The following RAP1GAP2 variants were observed in gnomAD, a reference collection of about 807,000 sequenced individuals.
RAP1GAP2 encodes rap1 GTPase-activating protein 2.
A neutral mutation model predicts 95.0 loss-of-function variants in RAP1GAP2; 27 were observed. The ratio of observed to expected loss-of-function variants is 0.28; its 90% CI spans 0.21 to 0.39. RAP1GAP2 has a LOEUF of 0.39. Ranked by LOEUF, RAP1GAP2 falls within the 10% of genes least tolerant of loss-of-function variation. The pLI is 1.00. For missense variants in RAP1GAP2, 771 were observed against 970.0 expected (o/e 0.79, Z 2.72); for synonymous variants, 373 against 380.9 (o/e 0.98, Z 0.24).
At position 3,026,991 on chromosome 17, in the gene RAP1GAP2, C is replaced by T; in HGVS notation, c.2028C>T (p.Val676=). 6.4e-7 allele frequency: 1 copy of T among 1,557,734 alleles called. No homozygotes were observed. Among genetic ancestry groups the T allele is most frequent in the South Asian group, 1.2e-5 (1 of 84,344 alleles). The part of the protein sequence containing the change: ...TTSPFKQEVF[V]YSPSPSSESP... ...CACCCTTCAAGCAGGAGGTGTTTGT[C>T]TACAGCCCGTCCCCGAGCAGCGAGA... The change falls in exon 22 of 25, where the codon GTC becomes GTT. Residue 676 remains valine (V), a synonymous_variant. Transcript: ENST00000254695.
At chr17:2,919,813 C>T (rs963591918) in intron 3 of RAP1GAP2, among the ~76,000 whole-genome samples, 4 of 152,298 alleles carry the variant, frequency 2.6e-5, no homozygotes, top group Admixed American at 6.5e-5. Context: ...AGCAATTCTC[C>T]TGCCTCAGCC....
chr17:2,936,160 G>C (rs1476603277), intron 3 of RAP1GAP2, among the ~76,000 whole-genome samples: 1 of 151,152 alleles, frequency 6.6e-6, no homozygotes, highest in Non-Finnish European at 1.5e-5. Context: ...ACAACGTGCA[G>C]GTTTGTTACA....
At chr17:3,012,930 C>T (rs746331359) in intron 17 of RAP1GAP2, among the ~76,000 whole-genome samples, 13 of 152,200 alleles carry the variant, frequency 8.5e-5, no homozygotes, top group Non-Finnish European at 1.8e-4. Context: ...GCTGTACCGA[C>T]GTCAGATGGA....
chr17:2,874,738 C>A (rs2073014025), intron 2 of RAP1GAP2, among the ~76,000 whole-genome samples: 1 of 152,158 alleles, frequency 6.6e-6, no homozygotes, highest in South Asian at 2.1e-4. Context: ...ACCCTTGAAA[C>A]CCCACGTTTA....
At chr17:2,763,748 G>T (rs1258392997) in intron 1 of RAP1GAP2, among the ~76,000 whole-genome samples, 1 of 150,630 alleles carries the variant, frequency 6.6e-6, no homozygotes, top group Non-Finnish European at 1.5e-5. Context: ...ACAGCCTCTG[G>T]GAGATGGGGG....
intron 2 of RAP1GAP2, among the ~76,000 whole-genome samples, chr17:2,894,053 A>T (rs1044241902): frequency 1.3e-5 from 2 of 152,194 alleles, no homozygotes; most frequent in Admixed American, 6.5e-5. Flanking sequence ...AGGTGGGCAG[A>T]TCACCTGAGG....
chr17:2,926,686 A>T (rs2042965153), intron 3 of RAP1GAP2, among the ~76,000 whole-genome samples: 2 of 152,118 alleles, frequency 1.3e-5, no homozygotes, highest in South Asian at 4.1e-4. Flanking sequence ...GAAGTATGGA[A>T]TGGGTCTCAC....
intron 1 of RAP1GAP2, among the ~76,000 whole-genome samples, chr17:2,784,309 C>T (rs1352231259): frequency 6.9e-6 from 1 of 145,564 alleles, no homozygotes; most frequent in Middle Eastern, 4.2e-3. Context: ...CTCGCTCTGT[C>T]GCCCAGGCTG....
At chr17:3,025,128 G>A (rs1450608610) in intron 19 of RAP1GAP2, among the ~76,000 whole-genome samples, 1 of 152,144 alleles carries the variant, frequency 6.6e-6, no homozygotes, top group African/African-American at 2.4e-5. Context: ...TGTAATCTCA[G>A]CACTCTGGGA....
intron 2 of RAP1GAP2, chr17:2,854,080 C>G (rs1023857420): frequency 1.0e-6 from 1 of 985,282 alleles, no homozygotes; most frequent in African/African-American, 1.7e-5. Context: ...GCACAAATCC[C>G]GGAGGCAGAA....
chr17:2,900,700 C>T (rs899649634), intron 2 of RAP1GAP2, among the ~76,000 whole-genome samples: 1 of 152,162 alleles, frequency 6.6e-6, no homozygotes, highest in Non-Finnish European at 1.5e-5. Context: ...CTTTTGCCTC[C>T]CAAAGTGCTG....
chr17:2,879,596 G>A (rs1004565457), intron 2 of RAP1GAP2, among the ~76,000 whole-genome samples: 1 of 151,878 alleles, frequency 6.6e-6, no homozygotes, highest in Non-Finnish European at 1.5e-5. Flanking sequence ...TATGGTGGTC[G>A]GCGCCTGTAA....
chr17:2,801,598 T>G (rs1327248976), intron 2 of RAP1GAP2, among the ~76,000 whole-genome samples: 2 of 2,238 alleles, frequency 8.9e-4, no homozygotes, highest in Non-Finnish European at 2.8e-3. Context: ...CTCCAGGGTA[T>G]GTGTGTGTGT....
At chr17:2,876,139 G>A (rs1352301611) in intron 2 of RAP1GAP2, among the ~76,000 whole-genome samples, 9 of 151,750 alleles carry the variant, frequency 5.9e-5, no homozygotes, top group Admixed American at 3.9e-4. Context: ...GGGTTTCACC[G>A]TGTTAGCCAG....
chr17:2,948,986 G>A (rs2043814755), intron 3 of RAP1GAP2, among the ~76,000 whole-genome samples: 1 of 152,204 alleles, frequency 6.6e-6, no homozygotes, highest in African/African-American at 2.4e-5. Context: ...TGTGGTTCTT[G>A]TTCACGTCTG....
intron 2 of RAP1GAP2, among the ~76,000 whole-genome samples, chr17:2,838,313 C>A (rs755042161): frequency 6.6e-6 from 1 of 152,062 alleles, no homozygotes; most frequent in Admixed American, 6.6e-5. Context: ...CCACGGCGCC[C>A]GGCCTTGTGT....
chr17:2,997,186 G>A (rs897881897), intron 13 of RAP1GAP2, among the ~76,000 whole-genome samples: 2 of 152,182 alleles, frequency 1.3e-5, no homozygotes, highest in Non-Finnish European at 2.9e-5. Flanking sequence ...GGGATATGGA[G>A]TTATGGTTGG....
intron 3 of RAP1GAP2, among the ~76,000 whole-genome samples, chr17:2,941,595 C>T (rs1567802860): frequency 6.6e-6 from 1 of 151,120 alleles, no homozygotes; most frequent in Admixed American, 6.6e-5. Flanking sequence ...TGTGGGATGC[C>T]TTGTGATGGC....
chr17:2,850,085 C>G lies in RAP1GAP2; in HGVS notation c.80+49535C>G, dbSNP rs1410464350. On this transcript the variant is annotated intron_variant, in intron 2 of 24. Coordinates refer to ENST00000254695, the MANE Select transcript of RAP1GAP2 (RefSeq NM_015085.5). ...GTGTGATCTCGGTTCACTGCAACCT[C>G]TGCCTCCCGGGTTCATGCCATTCCC... 4.7e-5 allele frequency among the ~76,000 whole-genome samples: 7 copies of G among 148,204 alleles called. No individual in the cohort carries two copies. In the Admixed American group the frequency reaches 4.8e-4, roughly 10 times the overall value.
Sources: allele counts gnomAD v4.1 joint callset (sites outside exome capture counted in the v4.1 genomes callset), GRCh38; gene constraint gnomAD v4.1.1; transcripts MANE v1.5; gene names NCBI Gene and HGNC (gene_info 2026-07-23, HGNC 2026-07-21).